Variants in KCTD20 observed in about 807,000 individuals in gnomAD.
KCTD20 encodes the protein BTB/POZ domain-containing protein KCTD20.
Under a neutral mutation model 39.6 loss-of-function variants are expected in KCTD20, and 30 were observed. The observed-to-expected ratio is 0.76, with a 90% confidence interval of 0.57 to 1.03. KCTD20 has a LOEUF of 1.03. Ranked by LOEUF, KCTD20 falls within the 50% of genes least tolerant of loss-of-function variation. The probability of loss-of-function intolerance (pLI) is 0.00; values close to 1 mark genes in which losing one functional copy is unlikely to be tolerated. For missense variants in KCTD20, 422 were observed against 522.0 expected, an observed-to-expected ratio of 0.81 and a Z score of 1.87; for synonymous variants, 162 against 180.6, an observed-to-expected ratio of 0.90 and a Z score of 0.83.
rs190118269 is a variant in KCTD20, at chr6:36,450,610, T to C, written c.-47+7499T>C. Among the ~76,000 whole-genome samples, 105 of 152,326 alleles carry C rather than the reference T, an allele frequency of 6.9e-4. 1 individual carries two copies. Among genetic ancestry groups the C allele is most frequent in the Admixed American group, 5.8e-3 (88 of 15,296 alleles). ...TCACGTGACTGGCTTTACCTGTTCT[T>C]CAGAACCATGCTTACTTTTGTATAC... On this transcript the variant is annotated intron_variant, in intron 1 of 7. Transcript: ENST00000373731.
chr6:36,450,163 TAAAAAAAAAAAAAAA>T (rs576681021), intron 1 of KCTD20, among the ~76,000 whole-genome samples: 8 of 105,856 alleles, frequency 7.6e-5, no homozygotes, highest in East Asian at 3.1e-4. Context: ...GACTCCGTCC[TAAAAAAAAAAAAAAA>T]AAAAAAAAAA....
intron 3 of KCTD20, among the ~76,000 whole-genome samples, chr6:36,477,636 C>T (rs1294919775): frequency 1.3e-5 from 2 of 151,052 alleles, no homozygotes; most frequent in South Asian, 2.1e-4. Flanking sequence ...CCCATCACCA[C>T]GCCCAGCTAA....
At chr6:36,474,532 T>G (rs904972530) in intron 2 of KCTD20, among the ~76,000 whole-genome samples, 4 of 151,928 alleles carry the variant, frequency 2.6e-5, no homozygotes, top group African/African-American at 9.7e-5. Context: ...TTAAATAACG[T>G]TCAAGTGTGG....
At chr6:36,474,359 T>C (rs759839567) in intron 2 of KCTD20, among the ~76,000 whole-genome samples, 3 of 152,080 alleles carry the variant, frequency 2.0e-5, no homozygotes, top group Non-Finnish European at 4.4e-5. Context: ...ACGGGAAATA[T>C]AAAAGTATTA....
chr6:36,484,634 C>T, intron 6 of KCTD20, 80 bp from the exon 7 acceptor site: 1 of 679,468 alleles, frequency 1.5e-6, no homozygotes, highest in South Asian at 1.9e-5. Flanking sequence ...GTATATCCTT[C>T]ATTAGTTTGA....
chr6:36,457,475 A>C (rs1775473000), intron 1 of KCTD20, among the ~76,000 whole-genome samples: 1 of 152,182 alleles, frequency 6.6e-6, no homozygotes, highest in Admixed American at 6.6e-5. Context: ...TGGGAGGCCC[A>C]GGTGGGATGA....
At chr6:36,466,099 GTCTC>G (rs1775745945) in intron 1 of KCTD20, among the ~76,000 whole-genome samples, 1 of 149,970 alleles carries the variant, frequency 6.7e-6, no homozygotes, top group African/African-American at 2.5e-5. Flanking sequence ...TTGAGATGGA[GTCTC>G]TCTCTGTCAC....
At chr6:36,453,792 G>A (rs932644002) in intron 1 of KCTD20, among the ~76,000 whole-genome samples, 1 of 152,162 alleles carries the variant, frequency 6.6e-6, no homozygotes, top group African/African-American at 2.4e-5. Context: ...TTACAGATAT[G>A]AGCCACTGTG....
At chr6:36,468,480 G>A (rs1019790723) in intron 1 of KCTD20, among the ~76,000 whole-genome samples, 4 of 152,234 alleles carry the variant, frequency 2.6e-5, no homozygotes, top group Admixed American at 6.5e-5. Context: ...GCAGCTGGAG[G>A]AGCTGTAAAT....
chr6:36,454,337 C>T (rs1775359822), intron 1 of KCTD20, among the ~76,000 whole-genome samples: 1 of 133,976 alleles, frequency 7.5e-6, no homozygotes, highest in African/African-American at 2.7e-5. Flanking sequence ...AAAATATTTA[C>T]TTTATGGCTC....
intron 1 of KCTD20, among the ~76,000 whole-genome samples, chr6:36,461,735 GAC>G (rs1287573980): frequency 6.6e-6 from 1 of 152,060 alleles, no homozygotes; most frequent in Non-Finnish European, 1.5e-5. Context: ...AAGTTATATT[GAC>G]AAAAACGTAC....
At chr6:36,457,182 C>T (rs1775463060) in intron 1 of KCTD20, among the ~76,000 whole-genome samples, 1 of 152,142 alleles carries the variant, frequency 6.6e-6, no homozygotes, top group African/African-American at 2.4e-5. Context: ...AGTCCTCCCA[C>T]CTTGGCTTCC....
chr6:36,452,541 C>CTTTTTTTTT (rs57480327), intron 1 of KCTD20: 6 of 126,918 alleles, frequency 4.7e-5, no homozygotes, highest in Non-Finnish European at 3.4e-5. Context: ...TCTTCATTTT[C>CTTTTTTTTT]TTTTTTTTTT....
chr6:36,487,104 C>T lies in KCTD20; in HGVS notation c.1189C>T (p.Pro397Ser), dbSNP rs1776448825. Residue 397 changes from proline (P) to serine (S), a missense_variant, in exon 8 of 8, where the codon CCC becomes TCC. By Grantham distance (74) the Pro-to-Ser change is moderately conservative (BLOSUM62 -1). Transcript: ENST00000373731. Reference protein sequence around the residue: ...EDQEILMHHPPQVDELDRLNA... With the variant: ...EDQEILMHHPSQVDELDRLNA... ...CCAGGAGATATTAATGCATCACCCA[C>T]CCCAAGTGGATGAACTTGACCGGCT... 1.2e-6 allele frequency: 2 copies of T among 1,614,062 alleles called. No homozygotes were observed. The highest frequency in any genetic ancestry group is 1.1e-5 in the South Asian group (1 of 91,090).
chr6:36,445,056 G>A (rs1774996581), intron 1 of KCTD20, among the ~76,000 whole-genome samples: 1 of 152,156 alleles, frequency 6.6e-6, no homozygotes, highest in Admixed American at 6.5e-5. Flanking sequence ...GAGGTCAGGA[G>A]TTTCAGACCA....
intron 7 of KCTD20, among the ~76,000 whole-genome samples, chr6:36,485,160 G>C (rs907149424): frequency 1.3e-5 from 2 of 151,962 alleles, no homozygotes; most frequent in African/African-American, 4.8e-5. Flanking sequence ...AGATGTTTCT[G>C]GTATCTGGAA....
intron 1 of KCTD20, among the ~76,000 whole-genome samples, chr6:36,457,438 G>A (rs1775471886): frequency 6.6e-6 from 1 of 152,092 alleles, no homozygotes. Flanking sequence ...CCGGGTACGG[G>A]GACTCACGCC....
chr6:36,456,578 CTTTTTTTTT>C (rs58002986), intron 1 of KCTD20, among the ~76,000 whole-genome samples: 18 of 106,974 alleles, frequency 1.7e-4, no homozygotes, highest in East Asian at 8.6e-4. Flanking sequence ...CACGCCCAGG[CTTTTTTTTT>C]TTTTTTTTTT....
intron 1 of KCTD20, among the ~76,000 whole-genome samples, chr6:36,466,766 C>A (rs2127441947): frequency 6.6e-6 from 1 of 152,004 alleles, no homozygotes; most frequent in Admixed American, 6.6e-5. Flanking sequence ...AGAAGTGAAC[C>A]AGGGTAGGCA....
Sources: gnomAD v4.1 joint callset for allele counts (sites outside exome capture counted in the v4.1 genomes callset) on GRCh38, gnomAD v4.1.1 for gene constraint, MANE v1.5 for transcripts, NCBI Gene and HGNC (gene_info 2026-07-23, HGNC 2026-07-21) for gene names.